Variants in TYW1 observed in about 807,000 individuals in gnomAD.
TYW1 encodes the protein S-adenosyl-L-methionine-dependent tRNA 4-demethylwyosine synthase TYW1.
A neutral mutation model predicts 96.2 loss-of-function variants in TYW1; 46 were observed. The observed-to-expected ratio is 0.48, with a 90% CI of 0.38 to 0.61. TYW1 has a LOEUF of 0.61. Ranked by LOEUF, TYW1 falls within the 20% of genes least tolerant of loss-of-function variation. The pLI is 0.00. For missense variants in TYW1, 684 were observed against 909.6 expected, an observed-to-expected ratio of 0.75 and a Z score of 3.19; for synonymous variants, 274 against 323.0, an observed-to-expected ratio of 0.85 and a Z score of 1.63.
chr7:67,188,763 A>G (rs1434818359), intron 14 of TYW1, among the ~76,000 whole-genome samples: 1 of 152,146 alleles, frequency 6.6e-6, no homozygotes, highest in Non-Finnish European at 1.5e-5. Flanking sequence ...TGGTACCTCA[A>G]GGTCATATAA....
chr7:67,039,922 A>G (rs189739700), intron 7 of TYW1, among the ~76,000 whole-genome samples: 23 of 150,682 alleles, frequency 1.5e-4, no homozygotes, highest in Non-Finnish European at 1.0e-4. Context: ...TGGCCTCCCA[A>G]AGTCCTGGGA....
chr7:67,083,019 T>C (rs2115771076), intron 10 of TYW1, among the ~76,000 whole-genome samples: 1 of 152,238 alleles, frequency 6.6e-6, no homozygotes, highest in African/African-American at 2.4e-5. Context: ...AGAAACTCAT[T>C]CTCAGGCCCT....
In TYW1 at chr7:67,063,689, C is replaced by T. The variant is rs188740898; in HGVS notation, c.1156-3596C>T. Reference sequence around the variant, plus strand: ...CGCGATCTCGGCTCACTGCAAGTTCCGCCTTCCAGGTTCCCGTCATTCTCC... The same window carrying T: ...CGCGATCTCGGCTCACTGCAAGTTCTGCCTTCCAGGTTCCCGTCATTCTCC... On this transcript the variant is annotated intron_variant, in intron 9 of 15. Coordinates refer to ENST00000359626, the MANE Select transcript of TYW1 (RefSeq NM_018264.4). 2.4e-4 allele frequency among the ~76,000 whole-genome samples: 37 copies of T among 152,166 alleles called. No individual in the cohort carries two copies. The East Asian group carries it at 3.5e-3, about 14-fold the overall frequency.
At chr7:67,220,449 T>C (rs6944637) in intron 15 of TYW1, among the ~76,000 whole-genome samples, 40,684 of 151,966 alleles carry the variant, frequency 0.27, 5,820 homozygotes, top group African/African-American at 0.36. Flanking sequence ...GTGATCCGCC[T>C]GCCTTGGCCT....
At chr7:67,213,221 G>C (rs989951432) in intron 15 of TYW1, among the ~76,000 whole-genome samples, 12 of 151,840 alleles carry the variant, frequency 7.9e-5, no homozygotes, top group African/African-American at 2.9e-4. Flanking sequence ...AGGCTGGAGT[G>C]CCATGACACA....
chr7:67,234,797 T>C (rs1465306), intron 15 of TYW1, among the ~76,000 whole-genome samples: 58,640 of 151,900 alleles, frequency 0.39, 12,177 homozygotes, highest in African/African-American at 0.54. Flanking sequence ...TTTCACACTG[T>C]ATTAGAAGTG....
At chr7:67,112,878 A>G (rs1238082731) in intron 12 of TYW1, among the ~76,000 whole-genome samples, 1 of 152,136 alleles carries the variant, frequency 6.6e-6, no homozygotes, top group African/African-American at 2.4e-5. Context: ...TTTCATCAGC[A>G]CTGATCTGAC....
intron 13 of TYW1, among the ~76,000 whole-genome samples, chr7:67,161,488 C>T (rs934454462): frequency 1.3e-5 from 2 of 152,140 alleles, no homozygotes; most frequent in Non-Finnish European, 2.9e-5. Context: ...TTTGCAGGCT[C>T]ATCTTGAGTA....
At chr7:67,064,300 A>G (rs1190431253) in intron 9 of TYW1, among the ~76,000 whole-genome samples, 2 of 152,216 alleles carry the variant, frequency 1.3e-5, no homozygotes, top group African/African-American at 2.4e-5. Flanking sequence ...GTAGCTTACT[A>G]TATTGTTGCA....
chr7:67,170,021 A>G (rs915503443), intron 13 of TYW1, among the ~76,000 whole-genome samples: 1 of 152,080 alleles, frequency 6.6e-6, no homozygotes, highest in Non-Finnish European at 1.5e-5. Flanking sequence ...TTGGTGTCAT[A>G]TCTAATTTCC....
chr7:67,167,578 T>G, intron 13 of TYW1, among the ~76,000 whole-genome samples: 1 of 151,960 alleles, frequency 6.6e-6, no homozygotes, highest in Non-Finnish European at 1.5e-5. Context: ...AGTCTATAAT[T>G]TTTTTAAAGT....
intron 15 of TYW1, among the ~76,000 whole-genome samples, chr7:67,237,034 C>T (rs1459420915): frequency 6.6e-6 from 1 of 152,066 alleles, no homozygotes; most frequent in Non-Finnish European, 1.5e-5. Flanking sequence ...TACATGCACA[C>T]ACCACCACGC....
chr7:66,997,121 C>G lies in TYW1; in HGVS notation c.4+139C>G. ...ACTTGACAGCACCGGCTAGTCGCCG[C>G]TGAGAGCAAGGAGGACTGATCCCTA... On this transcript the variant is annotated intron_variant, in intron 1 of 15. Transcript: ENST00000359626. 5 of 1,510,562 alleles carry G rather than the reference C, an allele frequency of 3.3e-6. No individual in the cohort carries two copies. In the South Asian group the frequency reaches 4.8e-5, roughly 15 times the overall value. 93.6% of individuals were successfully genotyped at this position (1,510,562 alleles called of 1,614,324 possible). A position where few individuals can be genotyped will look rare whatever the true frequency, so the allele number is the denominator to read the frequency against.
At chr7:67,170,023 C>T (rs2116256486) in intron 13 of TYW1, among the ~76,000 whole-genome samples, 1 of 152,188 alleles carries the variant, frequency 6.6e-6, no homozygotes, top group Middle Eastern at 3.4e-3. Context: ...GGTGTCATAT[C>T]TAATTTCCTA....
At chr7:67,118,924 T>C (rs1203773270) in intron 13 of TYW1, among the ~76,000 whole-genome samples, 4 of 133,134 alleles carry the variant, frequency 3.0e-5, no homozygotes, top group Non-Finnish European at 6.4e-5. Context: ...GCAAATAGTA[T>C]ACATTTAAAT....
chr7:67,104,893 AAACT>A (rs746481938), intron 12 of TYW1, among the ~76,000 whole-genome samples: 7 of 152,258 alleles, frequency 4.6e-5, no homozygotes, highest in African/African-American at 1.4e-4. Context: ...CACCCACCTC[AAACT>A]AACTAACAAT....
chr7:67,090,262 T>G (rs902848631), intron 11 of TYW1, among the ~76,000 whole-genome samples: 1 of 152,180 alleles, frequency 6.6e-6, no homozygotes, highest in Non-Finnish European at 1.5e-5. Context: ...CAAACAGGTA[T>G]TATTTATGAC....
At chr7:67,029,713 G>A (rs1196631969) in intron 7 of TYW1, among the ~76,000 whole-genome samples, 1 of 151,912 alleles carries the variant, frequency 6.6e-6, no homozygotes, top group Non-Finnish European at 1.5e-5. Context: ...GTTTTTTGAT[G>A]TTTTTGAGAC....
At chr7:67,031,158 A>G (rs1584483192) in intron 7 of TYW1, among the ~76,000 whole-genome samples, 1 of 132,566 alleles carries the variant, frequency 7.5e-6, no homozygotes, top group Non-Finnish European at 1.6e-5. Context: ...GCGCCATTGC[A>G]CTCCAGCCTA....
Sources: allele counts gnomAD v4.1 joint callset (sites outside exome capture counted in the v4.1 genomes callset), GRCh38; gene constraint gnomAD v4.1.1; transcripts MANE v1.5; gene names NCBI Gene and HGNC (gene_info 2026-07-23, HGNC 2026-07-21).